Variants in FAT4 observed in about 807,000 individuals in gnomAD.
FAT4 encodes protocadherin Fat 4.
Under a neutral mutation model 303.9 loss-of-function variants are expected in FAT4, and 84 were observed. The observed-to-expected ratio is 0.28, with a 90% CI of 0.23 to 0.33. FAT4 has a LOEUF of 0.33. FAT4 is among the 10% of genes least tolerant of loss of function. The pLI is 1.00. For missense variants in FAT4, 6,005 were observed against 6,146.8 expected (o/e 0.98, Z 0.77); for synonymous variants, 2,307 against 2,298.8 (o/e 1.00, Z -0.10).
intron 2 of FAT4, among the ~76,000 whole-genome samples, chr4:125,351,082 G>A (rs536745353): frequency 9.9e-5 from 15 of 151,656 alleles, no homozygotes; most frequent in Non-Finnish European, 1.6e-4. Flanking sequence ...TAGTGGCCGC[G>A]TGATGTGATT....
intron 2 of FAT4, among the ~76,000 whole-genome samples, chr4:125,349,343 T>A (rs529571527): frequency 1.0e-3 from 154 of 151,876 alleles, no homozygotes; most frequent in African/African-American, 3.7e-3. Flanking sequence ...TACACCAGTA[T>A]CACATGAGGG....
intron 10 of FAT4, among the ~76,000 whole-genome samples, chr4:125,461,073 C>T (rs1726466697): frequency 6.6e-6 from 1 of 151,952 alleles, no homozygotes; most frequent in Non-Finnish European, 1.5e-5. Flanking sequence ...ACATCTTCTG[C>T]CACTTTGTAA....
intron 12 of FAT4, among the ~76,000 whole-genome samples, chr4:125,474,744 G>A (rs72916935): frequency 6.6e-6 from 1 of 152,052 alleles, no homozygotes; most frequent in Non-Finnish European, 1.5e-5. Context: ...TTAAATATAT[G>A]TTTTATGGAT....
Position 125,487,332 on chromosome 4 carries a change from A to G in FAT4, c.12823-13A>G, listed in dbSNP as rs764324197. On this transcript the variant is annotated splice_polypyrimidine_tract_variant and intron_variant, in intron 16 of 17. Coordinates refer to ENST00000394329, the MANE Select transcript of FAT4 (RefSeq NM_001291303.3). ...ATATTTTAATTGCATACTATTTTTA[A>G]TATGTTTTACAGATTAAGAATGGCA... 6.3e-7 allele frequency: 1 copy of G among 1,592,106 alleles called. No individual in the cohort carries two copies. The highest frequency in any genetic ancestry group is 8.6e-7 in the Non-Finnish European group (1 of 1,168,408).
chr4:125,391,077 G>A (rs959892430), intron 2 of FAT4, among the ~76,000 whole-genome samples: 2 of 152,150 alleles, frequency 1.3e-5, no homozygotes, highest in African/African-American at 4.8e-5. Context: ...TGGGGGTAAT[G>A]TAAGTAAGTT....
intron 16 of FAT4, 144 bp downstream of exon 16, chr4:125,481,882 A>G (rs941802396): frequency 2.9e-6 from 2 of 686,284 alleles, no homozygotes; most frequent in Non-Finnish European, 4.9e-6. Context: ...AATGTCATCT[A>G]TCTTAACTAT....
chr4:125,371,117 C>T (rs1224443047), intron 2 of FAT4, among the ~76,000 whole-genome samples: 2 of 134,520 alleles, frequency 1.5e-5, no homozygotes, highest in Non-Finnish European at 3.1e-5. Flanking sequence ...CATTGCACTT[C>T]AGCCTGGGCA....
chr4:125,411,170 T>C (rs1734822690), intron 5 of FAT4, among the ~76,000 whole-genome samples: 1 of 152,086 alleles, frequency 6.6e-6, no homozygotes, highest in Non-Finnish European at 1.5e-5. Context: ...GAATTTTATA[T>C]GAAAATAAAT....
At chr4:125,442,255 T>G (rs1394274081) in intron 8 of FAT4, among the ~76,000 whole-genome samples, 1 of 152,182 alleles carries the variant, frequency 6.6e-6, no homozygotes. Context: ...GTGTTCTGTC[T>G]TCTGAATACC....
intron 16 of FAT4, among the ~76,000 whole-genome samples, chr4:125,485,159 A>T (rs1487378597): frequency 6.6e-6 from 1 of 152,148 alleles, no homozygotes; most frequent in African/African-American, 2.4e-5. Context: ...GGCCTAAGAC[A>T]TTATTATACA....
At chr4:125,356,820 TA>T in intron 2 of FAT4, among the ~76,000 whole-genome samples, 1 of 150,368 alleles carries the variant, frequency 6.7e-6, no homozygotes, top group East Asian at 1.9e-4. Context: ...ATATAACAGA[TA>T]ATATAATAGA....
chr4:125,416,474 A>T lies in FAT4; in HGVS notation c.6870A>T (p.Gly2290=). Residue 2290 remains glycine (G), a synonymous_variant, in exon 7 of 18, where the codon GGA becomes GGT. Coordinates refer to ENST00000394329, the MANE Select transcript of FAT4 (RefSeq NM_001291303.3). ...TGGTGGCAAGAGATGATGATCGAGG[A>T]TCTAACAGCAAACTCTCATATGTTC... ...LQVVARDDDR[G]SNSKLSYVLF... 6.2e-7 allele frequency: 1 copy of T among 1,613,774 alleles called. No homozygotes were observed. The highest frequency in any genetic ancestry group is 1.7e-5 in the Admixed American group (1 of 59,984).
At position 125,415,266 on chromosome 4, in the gene FAT4, C is replaced by G. The variant is rs1735000392; in HGVS notation, c.6303C>G (p.Thr2101=). 1 of 1,614,030 alleles carries G rather than the reference C, an allele frequency of 6.2e-7. No homozygotes were observed. The change falls in exon 6 of 18, where the codon ACC becomes ACG. Residue 2101 remains threonine, a synonymous_variant. Transcript: ENST00000394329. The part of the protein sequence containing the change: ...NPLGNKFSIG[T]IDGEVRLTGE... ...TGGGAAACAAGTTCAGTATTGGGAC[C>G]ATTGATGGTGAAGTGAGGCTCACTG... is the stretch of plus-strand genomic sequence containing the variant.
intron 17 of FAT4, among the ~76,000 whole-genome samples, chr4:125,489,116 C>T (rs929274365): frequency 6.6e-6 from 1 of 152,162 alleles, no homozygotes; most frequent in African/African-American, 2.4e-5. Flanking sequence ...GTCATAAGTC[C>T]TTTTTATATG....
chr4:125,348,659 A>G (rs1017433702), intron 2 of FAT4, among the ~76,000 whole-genome samples: 6 of 151,822 alleles, frequency 4.0e-5, no homozygotes, highest in Non-Finnish European at 7.4e-5. Flanking sequence ...GATTAAGTAA[A>G]TAGTCAAACT....
At position 125,317,133 on chromosome 4, in the gene FAT4, A is replaced by C; in HGVS notation, c.722A>C (p.Gln241Pro). Reference sequence around the variant, plus strand: ...TACCTTCAGGTAAACGTGACTGTGCAAGACATTAATGACAACCCCCCGGTT... The same window carrying C: ...TACCTTCAGGTAAACGTGACTGTGCCAGACATTAATGACAACCCCCCGGTT... ...RGYLQVNVTVQDINDNPPVFG... is the reference protein window; with the variant it reads ...RGYLQVNVTVPDINDNPPVFG... The change falls in exon 2 of 18, where the codon CAA (glutamine) becomes CCA (proline). Residue 241 changes from glutamine (Q) to proline (P), a missense_variant. Transcript: ENST00000394329. This position sits in a 1 kb window ranked among gnomAD's most constrained non-coding sequence, Gnocchi z 7.0. 6.2e-7 allele frequency: 1 copy of C among 1,613,372 alleles called. No homozygotes were observed. The highest frequency in any genetic ancestry group is 8.5e-7 in the Non-Finnish European group (1 of 1,179,792).
intron 15 of FAT4, 112 bp from the exon 16 acceptor site, chr4:125,481,409 A>T: frequency 1.2e-6 from 1 of 844,764 alleles, no homozygotes. Context: ...GGGGACATTA[A>T]TTCCCAAAAC....
intron 10 of FAT4, among the ~76,000 whole-genome samples, chr4:125,459,492 A>G (rs969839789): frequency 6.6e-6 from 1 of 151,942 alleles, no homozygotes; most frequent in Non-Finnish European, 1.5e-5. Context: ...AGCTATTCCC[A>G]CTTTCCATGT....
chr4:125,342,714 A>T (rs57837368), intron 2 of FAT4, among the ~76,000 whole-genome samples: 3,618 of 139,594 alleles, frequency 0.026, 138 homozygotes, highest in African/African-American at 0.08. Context: ...TTTGAATTTT[A>T]TTTTTTTATT....
Sources: allele counts gnomAD v4.1 joint callset (sites outside exome capture counted in the v4.1 genomes callset), GRCh38; gene constraint gnomAD v4.1.1; non-coding constraint Gnocchi (gnomAD v3.1); transcripts MANE v1.5; gene names NCBI Gene and HGNC (gene_info 2026-07-23, HGNC 2026-07-21).